The following CFAP54 variants were observed in gnomAD, a reference collection of about 807,000 sequenced individuals.
The protein encoded by CFAP54 is cilia and flagella associated protein 54, also known as cilia- and flagella-associated protein 54.
CFAP54 carries 290 observed loss-of-function variants against 370.4 expected under a neutral mutation model. The ratio of observed to expected loss-of-function variants is 0.78; its 90% CI spans 0.71 to 0.86. The LOEUF (loss-of-function observed/expected upper bound fraction) is 0.86, where lower values mean the gene tolerates loss of function less well. CFAP54 is among the 40% of genes least tolerant of loss of function. The probability of loss-of-function intolerance (pLI) is 0.00; values close to 1 mark genes in which losing one functional copy is unlikely to be tolerated. For synonymous variants in CFAP54, 1,206 were observed against 1,236.5 expected, an observed-to-expected ratio of 0.98 and a Z score of 0.52; for missense variants, 3,399 against 3,528.7, an observed-to-expected ratio of 0.96 and a Z score of 0.93.
chr12:96,524,512 T>C (rs187518958), intron 8 of CFAP54, among the ~76,000 whole-genome samples: 2 of 152,304 alleles, frequency 1.3e-5, no homozygotes, highest in African/African-American at 4.8e-5. Flanking sequence ...TCAAGTATAG[T>C]GGAATATAGA....
At chr12:96,725,018 C>T (rs1327655666) in intron 50 of CFAP54, among the ~76,000 whole-genome samples, 1 of 152,152 alleles carries the variant, frequency 6.6e-6, no homozygotes, top group African/African-American at 2.4e-5. Context: ...GGGCTCTGTT[C>T]TGTTCCATTG....
At chr12:96,658,878 A>G (rs1481696241) in intron 38 of CFAP54, among the ~76,000 whole-genome samples, 1 of 152,192 alleles carries the variant, frequency 6.6e-6, no homozygotes, top group Non-Finnish European at 1.5e-5. Context: ...ACTCGTAAAG[A>G]CAGGGCTATT....
Position 96,792,463 on chromosome 12 carries a change from T to C in CFAP54, c.8814T>C (p.Pro2938=), listed in dbSNP as rs867055506. The C allele has an allele frequency of 1.2e-5, 18 of 1,535,828 alleles. 2 individuals are homozygous for C. The Middle Eastern group carries it at 2.8e-3, about 242-fold the overall frequency. The change falls in exon 63 of 68, where the codon CCT becomes CCC. Residue 2938 remains proline (P), a synonymous_variant. Transcript: ENST00000524981. The stretch of plus-strand genomic sequence containing the variant: ...AACTTTGCTTTCAATGGTACATTCC[T>C]CCCCTGGATAGACCTCCCAAGGAGA... The part of the protein sequence containing the change: ...NKELCFQWYI[P]PLDRPPKETE...
Position 96,538,525 on chromosome 12 carries a change from C to T in CFAP54, c.1926+7C>T. ...GAAAATCAGTACTAACAAAGTATTC[C>T]TTTCGCATTCCCTTTCACGTGTTTT... On this transcript the variant is annotated splice_region_variant and intron_variant, in intron 13 of 67. Coordinates refer to ENST00000524981, the MANE Select transcript of CFAP54 (RefSeq NM_001306084.2). The T allele has an allele frequency of 6.5e-7, 1 of 1,534,152 alleles. No individual in the cohort carries two copies. Among genetic ancestry groups the T allele is most frequent in the South Asian group, 1.2e-5 (1 of 83,676 alleles).
chr12:96,574,310 C>T (rs777555749), intron 19 of CFAP54, among the ~76,000 whole-genome samples: 2 of 152,016 alleles, frequency 1.3e-5, no homozygotes, highest in Non-Finnish European at 2.9e-5. Context: ...GAATGAAATA[C>T]ATTTGAAATT....
chr12:96,498,018 T>C (rs1469926570), intron 1 of CFAP54, among the ~76,000 whole-genome samples: 1 of 152,224 alleles, frequency 6.6e-6, no homozygotes, highest in African/African-American at 2.4e-5. Flanking sequence ...CCCTCTCTTG[T>C]GGTCTAGATC....
At chr12:96,794,299 C>T (rs1019693097) in intron 63 of CFAP54, among the ~76,000 whole-genome samples, 48 of 152,220 alleles carry the variant, frequency 3.2e-4, no homozygotes, top group East Asian at 2.7e-3. Flanking sequence ...GTAAGGCCAG[C>T]GACATTTTCC....
chr12:96,704,452 G>GTA (rs71068825), intron 46 of CFAP54, among the ~76,000 whole-genome samples: 867 of 60,878 alleles, frequency 0.014, 7 homozygotes, highest in Admixed American at 0.017. Context: ...ATGTATGTGT[G>GTA]TATATATATA....
At chr12:96,759,163 C>T (rs1004138510) in intron 58 of CFAP54, among the ~76,000 whole-genome samples, 3 of 151,852 alleles carry the variant, frequency 2.0e-5, no homozygotes, top group African/African-American at 7.2e-5. Context: ...ACCAATTATT[C>T]ATATGGCAGC....
intron 55 of CFAP54, among the ~76,000 whole-genome samples, chr12:96,751,798 A>G (rs1480628606): frequency 1.3e-5 from 2 of 152,028 alleles, no homozygotes; most frequent in East Asian, 1.9e-4. Context: ...TTCCTCTCCT[A>G]TAAAATGTGG....
chr12:96,629,560 G>A (rs888063707), intron 30 of CFAP54, among the ~76,000 whole-genome samples: 3 of 151,136 alleles, frequency 2.0e-5, no homozygotes, highest in African/African-American at 7.3e-5. Context: ...TGATCCACCC[G>A]CCTCAGCCTC....
intron 27 of CFAP54, among the ~76,000 whole-genome samples, chr12:96,622,409 G>T (rs1261031980): frequency 1.4e-5 from 2 of 146,626 alleles, no homozygotes; most frequent in Non-Finnish European, 3.0e-5. Context: ...GGAGTGCAGT[G>T]ATGCAATCTT....
rs763141680 is a variant in CFAP54 at position 96,638,253 on chromosome 12, A to G, written c.4317-5925A>G. ...TGTGTGTGTGTGTGTATATATATAT[A>G]TATTTATTTTTTTTTGGTTATCCAG... is the stretch of plus-strand genomic sequence containing the variant. On this transcript the variant is annotated intron_variant, in intron 32 of 67. Transcript: ENST00000524981. Among the ~76,000 whole-genome samples, 8 of 121,420 alleles carry G rather than the reference A, an allele frequency of 6.6e-5. No individual in the cohort carries two copies. The South Asian group carries it at 7.5e-4, about 11-fold the overall frequency. 79.7% of individuals were successfully genotyped at this position (121,420 alleles called of 152,430 possible).
intron 48 of CFAP54, 68 bp downstream of exon 48, chr12:96,708,871 C>A: frequency 8.1e-7 from 1 of 1,229,290 alleles, no homozygotes. Flanking sequence ...CCAGCCCCCA[C>A]TAATCTATAT....
At chr12:96,838,719 G>A (rs916907682) in intron 66 of CFAP54, among the ~76,000 whole-genome samples, 4 of 152,134 alleles carry the variant, frequency 2.6e-5, no homozygotes, top group Admixed American at 6.5e-5. Flanking sequence ...AGATTTGGGT[G>A]GGAACACAAA....
At chr12:96,555,554 TA>T in intron 17 of CFAP54, among the ~76,000 whole-genome samples, 1 of 146,790 alleles carries the variant, frequency 6.8e-6, no homozygotes, top group East Asian at 2.1e-4. Flanking sequence ...AAAATAATAA[TA>T]TATAATACAT....
intron 66 of CFAP54, among the ~76,000 whole-genome samples, chr12:96,854,692 G>A (rs997816135): frequency 6.6e-6 from 1 of 152,144 alleles, no homozygotes; most frequent in Admixed American, 6.5e-5. Flanking sequence ...ATAATCATAT[G>A]TAGCCTTTAT....
intron 50 of CFAP54, among the ~76,000 whole-genome samples, chr12:96,723,363 G>A (rs1310595793): frequency 6.6e-6 from 1 of 152,082 alleles, no homozygotes. Flanking sequence ...GAGAAAATGA[G>A]GAACCAGAAA....
intron 25 of CFAP54, among the ~76,000 whole-genome samples, chr12:96,594,746 G>A (rs922378447): frequency 1.3e-5 from 2 of 152,020 alleles, no homozygotes; most frequent in African/African-American, 4.8e-5. Context: ...TTCTTGTAGT[G>A]TCAGAAACAA....
Sources: gnomAD v4.1 joint callset for allele counts (sites outside exome capture counted in the v4.1 genomes callset) on GRCh38, gnomAD v4.1.1 for gene constraint, MANE v1.5 for transcripts, NCBI Gene and HGNC (gene_info 2026-07-23, HGNC 2026-07-21) for gene names.